Variants in ALOX12 observed in about 807,000 individuals in gnomAD.
ALOX12 encodes the protein arachidonate 12-lipoxygenase, 12S type.
In ALOX12, 62 loss-of-function variants were observed where a neutral mutation model predicts 85.5. The observed-to-expected ratio is 0.73, with a 90% CI of 0.59 to 0.90. The LOEUF (loss-of-function observed/expected upper bound fraction) is 0.90. Ranked by LOEUF, ALOX12 falls within the 40% of genes least tolerant of loss-of-function variation. The pLI, the probability that ALOX12 is intolerant of heterozygous loss-of-function variation, is 0.00. For synonymous variants in ALOX12, 299 were observed against 332.7 expected (o/e 0.90, Z 1.10); for missense variants, 751 against 856.5 (o/e 0.88, Z 1.54).
At chr17:7,004,481 AAAATT>A (rs1908935232) in intron 8 of ALOX12, among the ~76,000 whole-genome samples, 1 of 146,968 alleles carries the variant, frequency 6.8e-6, no homozygotes, top group South Asian at 2.1e-4. Context: ...ATTTTAATTT[AAAATT>A]AAATATTTAA....
chr17:7,007,080 C>T (rs149037561), intron 11 of ALOX12, among the ~76,000 whole-genome samples: 6 of 152,316 alleles, frequency 3.9e-5, no homozygotes, highest in Non-Finnish European at 7.3e-5. Context: ...AGGAATACCG[C>T]ACGCTTGCTA....
chr17:6,998,678 A>C, intron 3 of ALOX12, 37 bp from the exon 4 acceptor site: 1 of 1,508,620 alleles, frequency 6.6e-7, no homozygotes, highest in South Asian at 1.1e-5. Flanking sequence ...ATCACTGACC[A>C]TGACATCCTT....
At chr17:7,002,109 C>T in intron 8 of ALOX12, 1 of 397,676 alleles carries the variant, frequency 2.5e-6, no homozygotes, top group Admixed American at 4.3e-5. Context: ...TAGTATTTAG[C>T]CAGAAAAACA....
chr17:7,004,157 TAAATTTA>T (rs1263974380), intron 8 of ALOX12, among the ~76,000 whole-genome samples: 2 of 115,564 alleles, frequency 1.7e-5, no homozygotes, highest in Non-Finnish European at 3.6e-5. Context: ...TAAATAAATT[TAAATTTA>T]AAATTTAAAT....
chr17:7,005,189 C>A (rs1908973706), intron 8 of ALOX12, 68 bp from the exon 9 acceptor site: 1 of 1,390,858 alleles, frequency 7.2e-7, no homozygotes, highest in Non-Finnish European at 1.0e-6. Context: ...TGCTGGGTGC[C>A]AGGCCCTACC....
chr17:6,996,700 G>GGAACGA, intron 1 of ALOX12, 126 bp from the exon 2 acceptor site: 2 of 1,213,638 alleles, frequency 1.6e-6, no homozygotes, highest in Non-Finnish European at 2.3e-6. Context: ...TGCGGGGGCG[G>GGAACGA]GAACGAGGCG....
chr17:7,009,038 C>G (rs1044678493), intron 11 of ALOX12, among the ~76,000 whole-genome samples: 2 of 151,080 alleles, frequency 1.3e-5, no homozygotes, highest in African/African-American at 4.9e-5. Flanking sequence ...AGGCATGAGT[C>G]ACCGACCACG....
At chr17:7,002,084 T>C in intron 8 of ALOX12, 1 of 463,134 alleles carries the variant, frequency 2.2e-6, no homozygotes, top group East Asian at 4.2e-5. Context: ...AAAAGCCATA[T>C]TCCTACCTTA....
chr17:6,999,434 G>A lies in ALOX12; in HGVS notation c.775G>A (p.Glu259Lys), dbSNP rs4987104. 88 of 1,614,064 alleles carry A rather than the reference G, an allele frequency of 5.5e-5. No individual in the cohort carries two copies. The African/African-American group carries it at 1.1e-3, about 20-fold the overall frequency. The change falls in exon 6 of 14, where the codon GAG (glutamate) becomes AAG (lysine). Residue 259 changes from glutamate to lysine, a missense_variant. Glu to Lys is a moderately conservative substitution (Grantham distance 56, BLOSUM62 1). Transcript: ENST00000251535. Reference protein sequence around the residue: ...SRLVLPSGMEELQAQLEKELQ... With the variant: ...SRLVLPSGMEKLQAQLEKELQ... ...GCTAGTGCTGCCCTCGGGGATGGAA[G>A]AGCTTCAGGCTCAACTGGAGAAAGA...
At chr17:6,997,215 G>C in intron 2 of ALOX12, 188 bp downstream of exon 2, 2 of 875,820 alleles carry the variant, frequency 2.3e-6, no homozygotes, top group Non-Finnish European at 2.7e-6. Flanking sequence ...TTTTACACAG[G>C]CTAAGAGAGG....
At chr17:6,997,108 G>A (rs1179705019) in intron 2 of ALOX12, 81 bp downstream of exon 2, 10 of 1,463,086 alleles carry the variant, frequency 6.8e-6, no homozygotes, top group African/African-American at 1.4e-5. Flanking sequence ...AAGGACGGTC[G>A]GAGCAGACTT....
rs1293880489 is a variant in ALOX12, at chr17:7,001,814, A to G, written c.1161+3A>G. On this transcript the variant is annotated splice_donor_region_variant and intron_variant, in intron 8 of 13. Transcript: ENST00000251535. Reference sequence around the variant, plus strand: ...CAGGACTGCACCCCATCTTCAAGGTACTTATTAATCTATTAAATCACATAT... The same window carrying G: ...CAGGACTGCACCCCATCTTCAAGGTGCTTATTAATCTATTAAATCACATAT... 1 of 1,612,860 alleles carries G rather than the reference A, an allele frequency of 6.2e-7. No homozygotes were observed. The highest frequency in any genetic ancestry group is 8.5e-7 in the Non-Finnish European group (1 of 1,178,916).
rs551806046 is a variant in ALOX12 at position 7,010,723 on chromosome 17, T to G, written c.*300T>G. ...GAGTGTGACTATGTTCCAATAAAACTTTATGGACACTGAGATATGAATGTT... is the reference window on the plus strand; with the variant it reads ...GAGTGTGACTATGTTCCAATAAAACGTTATGGACACTGAGATATGAATGTT... On this transcript the variant is annotated 3_prime_UTR_variant, in exon 14 of 14. Transcript: ENST00000251535. 42 of 277,006 alleles carry G rather than the reference T, an allele frequency of 1.5e-4. No homozygotes were observed. Among genetic ancestry groups the G allele is most frequent in the East Asian group, 2.0e-4 (3 of 14,990 alleles). The allele number at this position is 277,006 out of a possible 1,614,324, so 17.2% of individuals were successfully genotyped here. A position where few individuals can be genotyped will look rare whatever the true frequency, so the allele number is the denominator to read the frequency against.
At chr17:7,006,952 C>T (rs1233174062) in intron 11 of ALOX12, among the ~76,000 whole-genome samples, 3 of 152,056 alleles carry the variant, frequency 2.0e-5, no homozygotes, top group South Asian at 2.1e-4. Flanking sequence ...CTGATGGTTC[C>T]GTTTTCCTAA....
At chr17:6,996,333 G>A (rs1908436309) in intron 1 of ALOX12, 81 bp downstream of exon 1, 3 of 1,209,080 alleles carry the variant, frequency 2.5e-6, no homozygotes, top group African/African-American at 3.2e-5. Flanking sequence ...GCGGCGGGAG[G>A]GCGGGAGGCT....
rs540537265 is a variant in ALOX12, at chr17:7,006,713, C to T, written c.1540+106C>T. ...GGACCCCAGCCTCTCATCACGCCTCCCTTCCTCCCTCCACACGGGAAAGCA... is the reference window on the plus strand; with the variant it reads ...GGACCCCAGCCTCTCATCACGCCTCTCTTCCTCCCTCCACACGGGAAAGCA... On this transcript the variant is annotated intron_variant, in intron 11 of 13. Coordinates refer to ENST00000251535, the MANE Select transcript of ALOX12 (RefSeq NM_000697.3). 3.0e-4 allele frequency: 423 copies of T among 1,413,718 alleles called. 2 individuals are homozygous for T. The Middle Eastern group carries it at 3.3e-3, about 11-fold the overall frequency. The allele number at this position is 1,413,718 out of a possible 1,614,324, so 87.6% of individuals were successfully genotyped here.
chr17:6,996,994 G>C lies in ALOX12; in HGVS notation c.304G>C (p.Gly102Arg). The change falls in exon 2 of 14, where the codon GGC becomes CGC. Residue 102 changes from glycine to arginine, a missense_variant. Coordinates refer to ENST00000251535, the MANE Select transcript of ALOX12 (RefSeq NM_000697.3). ...CTTCCCGTGCTACCGCTGGGTGCAG[G>C]GCGAGGACATCCTGAGCCTGCCCGA... ...VAFPCYRWVQ[G>R]EDILSLPEGT... The C allele has an allele frequency of 6.4e-7, 1 of 1,561,080 alleles. No homozygotes were observed. The highest frequency in any genetic ancestry group is 8.7e-7 in the Non-Finnish European group (1 of 1,152,170).
chr17:7,009,695 G>A (rs1428271367), intron 11 of ALOX12, 52 bp from the exon 12 acceptor site: 1 of 1,478,784 alleles, frequency 6.8e-7, no homozygotes, highest in Non-Finnish European at 9.4e-7. Context: ...AACAGCCTTT[G>A]TTCCTCTCCT....
chr17:7,004,024 T>TA (rs1477890607), intron 8 of ALOX12, among the ~76,000 whole-genome samples: 2 of 149,002 alleles, frequency 1.3e-5, no homozygotes, highest in Non-Finnish European at 1.5e-5. Flanking sequence ...CATGCCTTTT[T>TA]TAATAGCTAA....
Sources: gnomAD v4.1 joint callset for allele counts (sites outside exome capture counted in the v4.1 genomes callset) on GRCh38, gnomAD v4.1.1 for gene constraint, MANE v1.5 for transcripts, NCBI Gene and HGNC (gene_info 2026-07-23, HGNC 2026-07-21) for gene names.